AFF1: variants seen among roughly 807,000 people sequenced by gnomAD.
AFF1 encodes the protein AF4/FMR2 family member 1.
AFF1 carries 48 observed loss-of-function variants against 121.7 expected under a neutral mutation model. That is an observed-to-expected ratio of 0.39 (90% CI 0.31 to 0.50). The LOEUF (loss-of-function observed/expected upper bound fraction) is 0.50, where lower values mean the gene tolerates loss of function less well. AFF1 is among the 20% of genes least tolerant of loss of function. The pLI, the probability that AFF1 is intolerant of heterozygous loss-of-function variation, is 0.76. For synonymous variants in AFF1, 613 were observed against 563.0 expected (o/e 1.09, Z -1.26); for missense variants, 1,523 against 1,511.7 (o/e 1.01, Z -0.12).
At chr4:87,113,489 T>C (rs1336599212) in intron 11 of AFF1, among the ~76,000 whole-genome samples, 2 of 152,166 alleles carry the variant, frequency 1.3e-5, no homozygotes, top group African/African-American at 4.8e-5. Flanking sequence ...CAGGCTGGTC[T>C]TGAACTCCTG....
At chr4:87,070,417 G>A (rs748387603) in intron 4 of AFF1, among the ~76,000 whole-genome samples, 11 of 152,240 alleles carry the variant, frequency 7.2e-5, no homozygotes, top group African/African-American at 2.4e-4. Flanking sequence ...GATTACAGGC[G>A]TGAGCCACCA....
chr4:87,006,091 G>A (rs1726093325), intron 2 of AFF1, among the ~76,000 whole-genome samples: 1 of 152,200 alleles, frequency 6.6e-6, no homozygotes, highest in Non-Finnish European at 1.5e-5. Context: ...TTTAGTGCCA[G>A]GCATTAACAT....
At position 87,046,848 on chromosome 4, in the gene AFF1, A is replaced by G. The variant is rs748953806; in HGVS notation, c.313A>G (p.Lys105Glu). 1 of 1,614,194 alleles carries G rather than the reference A, an allele frequency of 6.2e-7. No homozygotes were observed. Among genetic ancestry groups the G allele is most frequent in the East Asian group, 2.2e-5 (1 of 44,886 alleles). ...GCCGAAATATCCTTTAATTCCTGAC[A>G]AAGGGAGCAGCATTCCATCCAGCTC... ...GKPKYPLIPDKGSSIPSSSFH... is the reference protein window; with the variant it reads ...GKPKYPLIPDEGSSIPSSSFH... The change falls in exon 4 of 21, where the codon AAA (lysine) becomes GAA (glutamate). Residue 105 changes from lysine to glutamate, a missense_variant. Around this residue, in one of 5 missense-constraint regions of AFF1, gnomAD observed 369 missense variants for 367.2 expected, o/e 1.00. Coordinates refer to ENST00000395146, the MANE Select transcript of AFF1 (RefSeq NM_001166693.3).
chr4:87,011,577 AAG>A lies in AFF1; in HGVS notation c.39-34585_39-34584del, dbSNP rs574191953. Among the ~76,000 whole-genome samples, 584 of 152,352 alleles carry A rather than the reference AAG, an allele frequency of 3.8e-3. 8 individuals are homozygous for A. The highest frequency in any genetic ancestry group is 0.013 in the African/African-American group (532 of 41,586). ...TTTGATTAAAAATGAGCCATTATCA[AAG>A]AGAATACTGTGGTTTTGGAAAGTAC... is the stretch of plus-strand genomic sequence containing the variant. On this transcript the variant is annotated intron_variant, in intron 2 of 20. Transcript: ENST00000395146.
At chr4:87,012,217 C>CTTTTTTTTTT (rs68156863) in intron 2 of AFF1, among the ~76,000 whole-genome samples, 25 of 115,082 alleles carry the variant, frequency 2.2e-4, no homozygotes, top group Middle Eastern at 5.3e-3. Context: ...CATTTCATTT[C>CTTTTTTTTTT]TTGTTTTTTT....
At chr4:87,027,683 T>G (rs892713179) in intron 2 of AFF1, among the ~76,000 whole-genome samples, 2 of 151,804 alleles carry the variant, frequency 1.3e-5, no homozygotes, top group Non-Finnish European at 2.9e-5. Flanking sequence ...AATTTCACAG[T>G]AAAAAGCCTT....
At chr4:87,114,223 G>A (rs1432357069) in intron 11 of AFF1, 144 bp from the exon 12 acceptor site, 1 of 650,938 alleles carries the variant, frequency 1.5e-6, no homozygotes, top group Non-Finnish European at 2.5e-6. Context: ...CTTATAACTT[G>A]AGGAGGATGA....
At chr4:87,052,386 C>T (rs900658664) in intron 4 of AFF1, among the ~76,000 whole-genome samples, 1 of 152,140 alleles carries the variant, frequency 6.6e-6, no homozygotes, top group Non-Finnish European at 1.5e-5. Context: ...GAACTCCAGC[C>T]TGAGCGACAG....
chr4:87,105,268 A>G (rs757090813), intron 8 of AFF1, among the ~76,000 whole-genome samples: 15 of 152,162 alleles, frequency 9.9e-5, no homozygotes, highest in Non-Finnish European at 2.1e-4. Flanking sequence ...GTTTGCATGG[A>G]CCCTGACTTC....
intron 2 of AFF1, among the ~76,000 whole-genome samples, chr4:86,980,696 A>G (rs1052710587): frequency 1.3e-5 from 2 of 152,224 alleles, no homozygotes; most frequent in African/African-American, 4.8e-5. Flanking sequence ...TGCTTATATT[A>G]AAAGAATAAC....
chr4:87,071,601 G>A (rs3736669), intron 4 of AFF1, among the ~76,000 whole-genome samples: 66,905 of 151,968 alleles, frequency 0.44, 15,497 homozygotes, highest in African/African-American at 0.59. Context: ...CTCCAGGATT[G>A]TTCTCCCATG....
chr4:87,098,467 C>T (rs1349469376), intron 8 of AFF1, among the ~76,000 whole-genome samples: 1 of 152,146 alleles, frequency 6.6e-6, no homozygotes, highest in African/African-American at 2.4e-5. Context: ...TTTTTCTGTA[C>T]AGTAACTGTG....
intron 16 of AFF1, among the ~76,000 whole-genome samples, chr4:87,130,655 C>T (rs1210556098): frequency 6.6e-6 from 1 of 152,208 alleles, no homozygotes; most frequent in African/African-American, 2.4e-5. Context: ...CTAACATGCT[C>T]ATAAACCATG....
At chr4:87,052,480 TGA>T (rs941140074) in intron 4 of AFF1, among the ~76,000 whole-genome samples, 7 of 151,714 alleles carry the variant, frequency 4.6e-5, no homozygotes, top group African/African-American at 1.7e-4. Flanking sequence ...GCTAGAACAC[TGA>T]GAGTGAGGGG....
At chr4:87,063,059 A>G (rs1720941415) in intron 4 of AFF1, among the ~76,000 whole-genome samples, 1 of 152,150 alleles carries the variant, frequency 6.6e-6, no homozygotes, top group African/African-American at 2.4e-5. Flanking sequence ...GTAAAATAGC[A>G]ATGGTAGACA....
chr4:87,134,700 T>C lies in AFF1; in HGVS notation c.3535+6T>C. ...CCTCACGAGGAAGAATAAAGGTAAA[T>C]AAATGGCTTTGTGGTGGTAATTACT... On this transcript the variant is annotated splice_donor_region_variant and intron_variant, in intron 20 of 20. Coordinates refer to ENST00000395146, the MANE Select transcript of AFF1 (RefSeq NM_001166693.3). 1 of 1,606,798 alleles carries C rather than the reference T, an allele frequency of 6.2e-7. No individual in the cohort carries two copies. Among genetic ancestry groups the C allele is most frequent in the Non-Finnish European group, 8.5e-7 (1 of 1,174,456 alleles).
intron 2 of AFF1, among the ~76,000 whole-genome samples, chr4:86,951,750 T>C (rs1217104675): frequency 6.6e-6 from 1 of 150,920 alleles, no homozygotes; most frequent in African/African-American, 2.4e-5. Context: ...GCCTCCTGAG[T>C]AGCTGGGACT....
chr4:87,040,198 A>G (rs946688347), intron 2 of AFF1, among the ~76,000 whole-genome samples: 1 of 152,236 alleles, frequency 6.6e-6, no homozygotes, highest in Middle Eastern at 3.4e-3. Context: ...ACCGGCCCAC[A>G]GTTTTTATAA....
chr4:87,135,568 T>TTTTG lies in AFF1; in HGVS notation c.3536-9_3536-8insGTTT, dbSNP rs1553939432. 7.6e-5 allele frequency: 19 copies of TTTTG among 248,976 alleles called. No individual in the cohort carries two copies. The highest frequency in any genetic ancestry group is 1.0e-4 in the Non-Finnish European group (18 of 178,500). 15.4% of individuals were successfully genotyped at this position (248,976 alleles called of 1,614,324 possible). A position where few individuals can be genotyped will look rare whatever the true frequency, so the allele number is the denominator to read the frequency against. On this transcript the variant is annotated splice_polypyrimidine_tract_variant and intron_variant, in intron 20 of 20. Transcript: ENST00000395146. ...ATTTACTTGTTTTTGTTTTGTTTTG[T>TTTTG]TTTTTTTGCAGAATTCTTTGCTCGG...
Sources: gnomAD v4.1 joint callset for allele counts (sites outside exome capture counted in the v4.1 genomes callset) on GRCh38, gnomAD v4.1.1 for gene constraint, gnomAD v4.1.1 regional missense constraint, MANE v1.5 for transcripts, NCBI Gene and HGNC (gene_info 2026-07-23, HGNC 2026-07-21) for gene names.